Variants in FAM156A observed in about 807,000 individuals in gnomAD.
The protein encoded by FAM156A is protein FAM156A/FAM156B.
chrX:52,976,183 C>T (rs782670850), intron 1 of FAM156A, among the ~76,000 whole-genome samples: 14 of 112,133 alleles, frequency 1.2e-4, no homozygotes, highest in Admixed American at 6.7e-4. Flanking sequence ...CGGTGGCTCA[C>T]GCCTGTAATC....
chrX:52,973,354 C>T lies in FAM156A; in HGVS notation c.-433-9119G>A, dbSNP rs184590666. ...ATTGATTCAAACCCCAACACCAATG[C>T]TCTGGCAGAAAAAGAAAGGAAGACA... On this transcript the variant is annotated intron_variant, in intron 1 of 4. Transcript: ENST00000610625. Among the ~76,000 whole-genome samples, 4 of 110,876 alleles carry T rather than the reference C, an allele frequency of 3.6e-5. No homozygotes were observed. The Admixed American group carries it at 3.8e-4, about 11-fold the overall frequency.
At position 52,992,603 on chromosome X, in the gene FAM156A, C is replaced by CTT. The variant is rs371397834; in HGVS notation, c.-434+2701_-434+2702dup. On this transcript the variant is annotated intron_variant, in intron 1 of 4. Coordinates refer to the FAM156A transcript ENST00000610625. Reference sequence around the variant, plus strand: ...ACAGCACTCTGCTTCACTTGTGAGTCTTTTTTTTTTTTTTTGCCTGAGAGT... The same window carrying CTT: ...ACAGCACTCTGCTTCACTTGTGAGTCTTTTTTTTTTTTTTTTTGCCTGAGAGT... Among the ~76,000 whole-genome samples the CTT allele has an allele frequency of 6.5e-3, 625 of 95,947 alleles. 11 individuals carry two copies. The East Asian group carries it at 0.093, about 14-fold the overall frequency. The allele number at this position is 95,947 out of a possible 115,157, so 83.3% of individuals were successfully genotyped here. A position where few individuals can be genotyped will look rare whatever the true frequency, so the allele number is the denominator to read the frequency against.
intron 1 of FAM156A, among the ~76,000 whole-genome samples, chrX:52,976,906 A>G (rs1929511627): frequency 9.1e-6 from 1 of 110,228 alleles, no homozygotes; most frequent in East Asian, 2.8e-4. Flanking sequence ...CCCTTATTAC[A>G]GAATAGGAAA....
intron 1 of FAM156A, among the ~76,000 whole-genome samples, chrX:52,983,452 G>A (rs782792510): frequency 6.3e-5 from 7 of 111,578 alleles, no homozygotes; most frequent in Non-Finnish European, 1.1e-4. Context: ...CATCATAGCT[G>A]CCAGGGGAGA....
At chrX:52,983,433 T>C (rs782161950) in intron 1 of FAM156A, among the ~76,000 whole-genome samples, 5 of 111,742 alleles carry the variant, frequency 4.5e-5, no homozygotes, top group Non-Finnish European at 9.4e-5. Context: ...ATTGCAATTA[T>C]AGGGTTAACA....
chrX:52,983,975 G>A (rs1274937231), intron 1 of FAM156A, among the ~76,000 whole-genome samples: 1 of 111,757 alleles, frequency 8.9e-6, no homozygotes, highest in Non-Finnish European at 1.9e-5. Flanking sequence ...AGTGAGTCAG[G>A]CTCATTCTGG....
chrX:52,992,977 G>A (rs1930889290), intron 1 of FAM156A, among the ~76,000 whole-genome samples: 1 of 111,799 alleles, frequency 8.9e-6, no homozygotes, highest in African/African-American at 3.3e-5. Context: ...GGCACAATAG[G>A]AGGTCATCCC....
At chrX:52,993,507 C>T (rs1930950434) in intron 1 of FAM156A, among the ~76,000 whole-genome samples, 1 of 103,531 alleles carries the variant, frequency 9.7e-6, no homozygotes. Context: ...CTCCGCCTCC[C>T]GGGTTCAAGC....
intron 1 of FAM156A, among the ~76,000 whole-genome samples, chrX:52,978,591 A>G (rs1254861588): frequency 8.9e-6 from 1 of 112,790 alleles, no homozygotes; most frequent in Non-Finnish European, 1.9e-5. Context: ...TGCAATCAAG[A>G]GTAAGATCCA....
At chrX:52,989,858 G>A (rs928462344) in intron 1 of FAM156A, among the ~76,000 whole-genome samples, 7 of 112,351 alleles carry the variant, frequency 6.2e-5, no homozygotes, top group South Asian at 3.6e-4. Flanking sequence ...CTCAGGACTC[G>A]CCAACCTATA....
intron 1 of FAM156A, among the ~76,000 whole-genome samples, chrX:52,977,720 G>A (rs1247474085): frequency 1.8e-5 from 2 of 111,637 alleles, no homozygotes; most frequent in Admixed American, 9.6e-5. Context: ...ATAGGTGTGA[G>A]CCATCATGCC....
At chrX:52,993,475 C>T (rs1320495753) in intron 1 of FAM156A, among the ~76,000 whole-genome samples, 2 of 97,662 alleles carry the variant, frequency 2.0e-5, no homozygotes, top group Non-Finnish European at 4.0e-5. Context: ...AGTGCAGTGG[C>T]GCGATTTTGG....
chrX:52,984,483 G>A (rs1930124701), intron 1 of FAM156A, among the ~76,000 whole-genome samples: 1 of 112,554 alleles, frequency 8.9e-6, no homozygotes, highest in Admixed American at 9.4e-5. Context: ...CCTGGCAAGG[G>A]CCAACATGGT....
At position 52,973,317 on chromosome X, in the gene FAM156A, G is replaced by A. The variant is rs191511459; in HGVS notation, c.-433-9082C>T. 4.4e-3 allele frequency among the ~76,000 whole-genome samples: 482 copies of A among 110,214 alleles called. 3 individuals carry two copies. Among genetic ancestry groups the A allele is most frequent in the Admixed American group, 0.01 (104 of 10,368 alleles). ...AACAACACAACTGAAGTCCAGTTCA[G>A]CTACTGAAAAGATTGATTCAAACCC... On this transcript the variant is annotated intron_variant, in intron 1 of 4. Transcript: ENST00000610625.
intron 1 of FAM156A, among the ~76,000 whole-genome samples, chrX:52,975,556 C>T (rs1556791978): frequency 2.7e-5 from 3 of 112,270 alleles, no homozygotes; most frequent in Non-Finnish European, 5.6e-5. Flanking sequence ...CTGCTCATCC[C>T]AAACTAATGA....
At chrX:52,991,377 C>T (rs910526856) in intron 1 of FAM156A, among the ~76,000 whole-genome samples, 6 of 111,178 alleles carry the variant, frequency 5.4e-5, no homozygotes, top group African/African-American at 2.0e-4. Flanking sequence ...GCAAATTCCC[C>T]TTTCCTCCGC....
intron 1 of FAM156A, among the ~76,000 whole-genome samples, chrX:52,977,391 T>C (rs1255314965): frequency 9.0e-6 from 1 of 110,808 alleles, no homozygotes; most frequent in Non-Finnish European, 1.9e-5. Context: ...CTTCTCATGA[T>C]TTAGCTCAGA....
chrX:52,973,223 A>T (rs1391623478), intron 1 of FAM156A, among the ~76,000 whole-genome samples: 5 of 99,906 alleles, frequency 5.0e-5, no homozygotes, highest in African/African-American at 1.1e-4. Context: ...AATAAAAATT[A>T]AAAAATTAAA....
chrX:52,994,739 C>A (rs1931041243), intron 1 of FAM156A, among the ~76,000 whole-genome samples: 1 of 111,311 alleles, frequency 9.0e-6, no homozygotes, highest in African/African-American at 3.3e-5. Context: ...CTTTGGGAGA[C>A]CGAGGTGGGA....
Sources: gnomAD v4.1 joint callset for allele counts (sites outside exome capture counted in the v4.1 genomes callset) on GRCh38, gnomAD v4.1.1 for gene constraint, MANE v1.5 for transcripts, NCBI Gene and HGNC (gene_info 2026-07-23, HGNC 2026-07-21) for gene names.